MYH4: variants seen among roughly 807,000 people sequenced by gnomAD.
MYH4 encodes myosin-4.
A neutral mutation model predicts 229.9 loss-of-function variants in MYH4; 200 were observed. That is an observed-to-expected ratio of 0.87 (90% confidence interval 0.78 to 0.98). MYH4 has a LOEUF of 0.98. MYH4 is among the 50% of genes least tolerant of loss of function. MYH4 has a pLI of 0.00. For synonymous variants in MYH4, 761 were observed against 834.6 expected, an observed-to-expected ratio of 0.91 and a Z score of 1.52; for missense variants, 2,148 against 2,332.6, an observed-to-expected ratio of 0.92 and a Z score of 1.63.
rs778336247 is a variant in MYH4, at chr17:10,459,348, A to T, written c.1490T>A (p.Phe497Tyr). The T allele has an allele frequency of 1.9e-6, 3 of 1,614,150 alleles. No homozygotes were observed. Among genetic ancestry groups the T allele is most frequent in the Non-Finnish European group, 2.5e-6 (3 of 1,180,020 alleles). ...KLQQFFNHHM[F>Y]VLEQEEYKKE... ...CTTGTACTCTTCCTGCTCCAGCACG[A>T]ACATGTGGTGGTTGAAAAACTGTTG... The change falls in exon 15 of 40, where the codon TTC (phenylalanine) becomes TAC (tyrosine). Residue 497 changes from phenylalanine (F) to tyrosine (Y), a missense_variant. Coordinates refer to ENST00000255381, the MANE Select transcript of MYH4 (RefSeq NM_017533.2).
intron 35 of MYH4, among the ~76,000 whole-genome samples, chr17:10,446,556 T>G (rs972708835): frequency 6.6e-6 from 1 of 152,208 alleles, no homozygotes. Context: ...CAACAAATGC[T>G]AACTAGTATT....
intron 15 of MYH4, 129 bp downstream of exon 15, chr17:10,459,122 A>G (rs2072672764): frequency 1.4e-6 from 2 of 1,468,968 alleles, no homozygotes; most frequent in Non-Finnish European, 1.9e-6. Context: ...ATACCTCACA[A>G]CCAATCAGAA....
chr17:10,463,219 A>G (rs750050039), intron 9 of MYH4, 31 bp from the exon 10 acceptor site: 18 of 1,580,282 alleles, frequency 1.1e-5, no homozygotes, highest in Non-Finnish European at 1.5e-5. Flanking sequence ...ATTTAAAAGA[A>G]GATGCCACAG....
chr17:10,456,495 G>C lies in MYH4; in HGVS notation c.1958C>G (p.Ala653Gly). Residue 653 changes from alanine (A) to glycine (G), a missense_variant, in exon 17 of 40, where the codon GCT becomes GGT. Physicochemically the swap from Ala to Gly is moderately conservative, Grantham distance 60 (BLOSUM62 0). Coordinates refer to ENST00000255381, the MANE Select transcript of MYH4 (RefSeq NM_017533.2). ...KKGSSFQTVS[A>G]LFRENLNKLM... is the part of the protein sequence containing the mutation. ...AAGAATATACTGTACCCTGAAAAGA[G>C]CTGACACTGTCTGGAAAGAAGAACC... is the stretch of plus-strand genomic sequence containing the variant. 1 of 1,613,472 alleles carries C rather than the reference G, an allele frequency of 6.2e-7. No homozygotes were observed. The highest frequency in any genetic ancestry group is 8.5e-7 in the Non-Finnish European group (1 of 1,179,490).
intron 28 of MYH4, 34 bp from the exon 29 acceptor site, chr17:10,450,929 G>A (rs777786364): frequency 1.3e-6 from 2 of 1,491,746 alleles, no homozygotes; most frequent in Admixed American, 3.4e-5. Flanking sequence ...ATTTAGTTCT[G>A]TTGTCTAGGT....
chr17:10,455,125 C>G (rs749868307), intron 20 of MYH4, 47 bp downstream of exon 20: 33 of 1,613,956 alleles, frequency 2.0e-5, no homozygotes, highest in Non-Finnish European at 2.8e-5. Context: ...ACAGGAAAGT[C>G]TAAAAGTGAT....
chr17:10,468,471 A>G (rs188552402), intron 2 of MYH4, among the ~76,000 whole-genome samples: 16 of 152,354 alleles, frequency 1.1e-4, no homozygotes, highest in Admixed American at 5.9e-4. Context: ...CTAAATGAAT[A>G]TAGCTGCTAT....
At position 10,466,270 on chromosome 17, in the gene MYH4, C is replaced by A; in HGVS notation, c.348+3G>T. The A allele has an allele frequency of 6.2e-7, 1 of 1,613,688 alleles. No individual in the cohort carries two copies. Among genetic ancestry groups the A allele is most frequent in the Non-Finnish European group, 8.5e-7 (1 of 1,179,852 alleles). ...TGAGAAATAGCGTTGAAAGGGTGCT[C>A]ACGTAGATCATCCAGGCTGCGTAAC... On this transcript the variant is annotated splice_donor_region_variant and intron_variant, in intron 4 of 39. Coordinates refer to ENST00000255381, the MANE Select transcript of MYH4 (RefSeq NM_017533.2).
Position 10,451,924 on chromosome 17 carries a change from C to A in MYH4, c.3738+17G>T. 1 of 1,575,766 alleles carries A rather than the reference C, an allele frequency of 6.3e-7. No individual in the cohort carries two copies. ...TTGTTGCAAATAAAGATGAAAAGGG[C>A]ACAAGTTAATGAAGACCTTGGCTTT... is the stretch of plus-strand genomic sequence containing the variant. On this transcript the variant is annotated intron_variant, in intron 27 of 39. Coordinates refer to ENST00000255381, the MANE Select transcript of MYH4 (RefSeq NM_017533.2).
Position 10,450,805 on chromosome 17 carries a change from A to G in MYH4, c.3956T>C (p.Leu1319Ser), listed in dbSNP as rs751786895. ...KQAFTQQIEE[L>S]KRQLEEETKA... is the part of the protein sequence containing the mutation. ...AGTCTCCTCTTCTAGCTGCCTCTTT[A>G]ATTCTTCAATCTGTTGTGTAAATGC... Residue 1319 changes from leucine to serine, a missense_variant, in exon 29 of 40, where the codon TTA becomes TCA. Transcript: ENST00000255381. 1 of 1,614,024 alleles carries G rather than the reference A, an allele frequency of 6.2e-7. No individual in the cohort carries two copies. Among genetic ancestry groups the G allele is most frequent in the East Asian group, 2.2e-5 (1 of 44,884 alleles).
At chr17:10,448,580 C>T (rs757109217) in intron 32 of MYH4, 38 bp downstream of exon 32, 46 of 1,610,442 alleles carry the variant, frequency 2.9e-5, no homozygotes, top group Non-Finnish European at 3.8e-5. Flanking sequence ...AAGATGTCTC[C>T]CTACCATTTT....
Position 10,448,527 on chromosome 17 carries a change from T to C in MYH4, c.4532-7A>G, listed in dbSNP as rs1597415374. On this transcript the variant is annotated splice_region_variant and splice_polypyrimidine_tract_variant and intron_variant, in intron 32 of 39. Coordinates refer to ENST00000255381, the MANE Select transcript of MYH4 (RefSeq NM_017533.2). Reference sequence around the variant, plus strand: ...GTCAGGTCAGAAATCTCCTCTGTAATAATAAAGTACCAAATTTCAGTTAAG... The same window carrying C: ...GTCAGGTCAGAAATCTCCTCTGTAACAATAAAGTACCAAATTTCAGTTAAG... The C allele has an allele frequency of 6.2e-7, 1 of 1,611,884 alleles. No homozygotes were observed. The highest frequency in any genetic ancestry group is 8.5e-7 in the Non-Finnish European group (1 of 1,179,454).
At chr17:10,450,345 C>G in intron 30 of MYH4, 108 bp downstream of exon 30, 1 of 1,551,350 alleles carries the variant, frequency 6.4e-7, no homozygotes, top group Non-Finnish European at 8.8e-7. Context: ...ATAAAATAAG[C>G]TGAAGTCTTT....
rs762906825 is a variant in MYH4 at position 10,455,952 on chromosome 17, G to A, written c.1969-51C>T. The A allele has an allele frequency of 8.1e-6, 13 of 1,601,888 alleles. 1 individual carries two copies. The South Asian group carries it at 1.3e-4, about 16-fold the overall frequency. Reference sequence around the variant, plus strand: ...AAATCATTTCTAGTTGCATCGACATGAGAGTCCCTATCAATATTTGTCTTT... The same window carrying A: ...AAATCATTTCTAGTTGCATCGACATAAGAGTCCCTATCAATATTTGTCTTT... On this transcript the variant is annotated intron_variant, in intron 17 of 39. Transcript: ENST00000255381.
intron 35 of MYH4, among the ~76,000 whole-genome samples, chr17:10,446,509 G>C (rs1224385367): frequency 6.7e-6 from 1 of 149,634 alleles, no homozygotes; most frequent in Non-Finnish European, 1.5e-5. Context: ...GCCATTGTGA[G>C]GATATACCAC....
Position 10,448,471 on chromosome 17 carries a change from G to A in MYH4, c.4581C>T (p.Ile1527=), listed in dbSNP as rs181765764. The A allele has an allele frequency of 7.4e-6, 12 of 1,613,886 alleles. No homozygotes were observed. In the African/African-American group the frequency reaches 1.5e-4, roughly 20 times the overall value. ...TEQIAEGGKH[I]HELEKVKKQL... ...GTTTCTTTACTTTCTCCAGTTCATG[G>A]ATATGCTTTCCACCCTCTGCAATTT... Residue 1527 remains isoleucine, a synonymous_variant, in exon 33 of 40, where the codon ATC becomes ATT. Coordinates refer to ENST00000255381, the MANE Select transcript of MYH4 (RefSeq NM_017533.2).
At chr17:10,464,653 CAGAA>C in intron 6 of MYH4, 24 bp downstream of exon 6, 5 of 1,613,630 alleles carry the variant, frequency 3.1e-6, no homozygotes, top group Non-Finnish European at 4.2e-6. Context: ...ATGATCAAAA[CAGAA>C]AGAAAGTAAC....
At chr17:10,467,166 A>T (rs1296491280) in intron 2 of MYH4, among the ~76,000 whole-genome samples, 1 of 152,220 alleles carries the variant, frequency 6.6e-6, no homozygotes, top group African/African-American at 2.4e-5. Flanking sequence ...GATGATACAA[A>T]GAAATGGACA....
In MYH4 at chr17:10,463,327, T is replaced by A. The variant is rs749840316; in HGVS notation, c.805+11A>T. On this transcript the variant is annotated intron_variant, in intron 9 of 39. Transcript: ENST00000255381. ...AAAAAGATTCTCAATCACTAATATT[T>A]ATTAACTTACATGTTTCAATATCTG... The A allele has an allele frequency of 3.7e-6, 6 of 1,600,926 alleles. No homozygotes were observed. In the African/African-American group the frequency reaches 8.1e-5, roughly 22 times the overall value.
Sources: gnomAD v4.1 joint callset for allele counts (sites outside exome capture counted in the v4.1 genomes callset) on GRCh38, gnomAD v4.1.1 for gene constraint, MANE v1.5 for transcripts, NCBI Gene and HGNC (gene_info 2026-07-23, HGNC 2026-07-21) for gene names.